The following CPB2 variants were observed in gnomAD, a reference collection of about 807,000 sequenced individuals.
CPB2 encodes carboxypeptidase B2.
Under a neutral mutation model 57.0 loss-of-function variants are expected in CPB2, and 54 were observed. The ratio of observed to expected loss-of-function variants is 0.95; its 90% CI spans 0.76 to 1.19. The LOEUF (loss-of-function observed/expected upper bound fraction) is 1.19, where lower values mean the gene tolerates loss of function less well. Among genes scored for constraint, CPB2 ranks in the 50% most tolerant of loss-of-function variants. The pLI, the probability that CPB2 is intolerant of heterozygous loss-of-function variation, is 0.00. For missense variants in CPB2, 426 were observed against 512.0 expected (o/e 0.83, Z 1.62); for synonymous variants, 189 against 178.1 (o/e 1.06, Z -0.49).
intron 1 of CPB2, chr13:46,098,590 A>G (rs1477226587): frequency 1.3e-5 from 2 of 152,306 alleles, no homozygotes; most frequent in East Asian, 3.8e-4. Flanking sequence ...GGCAGCTGAT[A>G]TTCTCACCTG....
chr13:46,102,598 T>TG lies in CPB2; in HGVS notation c.74+2337_74+2338insC, dbSNP rs373037398. Among the ~76,000 whole-genome samples, 640 of 68,808 alleles carry TG rather than the reference T, an allele frequency of 9.3e-3. 3 individuals carry two copies. The highest frequency in any genetic ancestry group is 0.03 in the African/African-American group (608 of 20,034). 45.1% of individuals were successfully genotyped at this position (68,808 alleles called of 152,430 possible). On this transcript the variant is annotated intron_variant, in intron 1 of 10. Coordinates refer to ENST00000181383, the MANE Select transcript of CPB2 (RefSeq NM_001872.5). ...AGAAAAAGCCAGACTGTTAGTTTTT[T>TG]TTTTTTTTTTTAGAAGGGTTGATAT...
In CPB2 at chr13:46,053,627, A is replaced by T. The variant is rs145067962; in HGVS notation, c.1259T>A (p.Ile420Asn). Residue 420 changes from isoleucine to asparagine, a missense_variant, in exon 11 of 11, where the codon ATT becomes AAT. By Grantham distance (149) the Ile-to-Asn change is moderately radical. Coordinates refer to ENST00000181383, the MANE Select transcript of CPB2 (RefSeq NM_001872.5). ...AAVSKIAWHV[I>N]RNV Reference sequence around the variant, plus strand: ...AAATCAGGGGCATTAAACATTCCTAATGACATGCCAAGCTATTTTAGAGAC... The same window carrying T: ...AAATCAGGGGCATTAAACATTCCTATTGACATGCCAAGCTATTTTAGAGAC... 2,857 of 1,614,006 alleles carry T rather than the reference A, an allele frequency of 1.8e-3. 28 individuals carry two copies. The highest frequency in any genetic ancestry group is 0.016 in the East Asian group (696 of 44,874).
intron 1 of CPB2, among the ~76,000 whole-genome samples, chr13:46,094,675 A>G (rs1231867808): frequency 6.6e-6 from 1 of 152,146 alleles, no homozygotes; most frequent in Non-Finnish European, 1.5e-5. Flanking sequence ...GAGGACCATG[A>G]CCCTTAGAAA....
At chr13:46,098,834 C>A (rs1283442285) in intron 1 of CPB2, 2 of 152,274 alleles carry the variant, frequency 1.3e-5, no homozygotes, top group Non-Finnish European at 2.9e-5. Flanking sequence ...CTGCCCAAGC[C>A]TTCTTCCTTC....
chr13:46,092,037 C>CT lies in CPB2; in HGVS notation c.75-4218dup, dbSNP rs1027115535. Among the ~76,000 whole-genome samples, 14 of 152,024 alleles carry CT rather than the reference C, an allele frequency of 9.2e-5. No homozygotes were observed. The East Asian group carries it at 9.7e-4, about 11-fold the overall frequency. ...GGCATTTGCCAGCTCTGAGCCCCCCCTTTTTTTTAACTGAACGAGATTTTT... is the reference window on the plus strand; with the variant it reads ...GGCATTTGCCAGCTCTGAGCCCCCCCTTTTTTTTTAACTGAACGAGATTTTT... On this transcript the variant is annotated intron_variant, in intron 1 of 10. Coordinates refer to ENST00000181383, the MANE Select transcript of CPB2 (RefSeq NM_001872.5).
chr13:46,087,931 T>A (rs1426834222), intron 1 of CPB2, 111 bp from the exon 2 acceptor site: 1 of 667,752 alleles, frequency 1.5e-6, no homozygotes, highest in East Asian at 2.6e-5. Context: ...AAATTTAAAA[T>A]GTTATTAGGA....
Position 46,053,496 on chromosome 13 carries a change from A to G in CPB2, c.*118T>C. The G allele has an allele frequency of 6.8e-7, 1 of 1,461,752 alleles. No individual in the cohort carries two copies. The highest frequency in any genetic ancestry group is 9.1e-7 in the Non-Finnish European group (1 of 1,093,150). 90.5% of individuals were successfully genotyped at this position (1,461,752 alleles called of 1,614,324 possible). ...TTAGGTTCTCTGACAGAACCAAGGA[A>G]TAGGAAAATCTTTTATCAAAACTAC... On this transcript the variant is annotated 3_prime_UTR_variant, in exon 11 of 11. Coordinates refer to ENST00000181383, the MANE Select transcript of CPB2 (RefSeq NM_001872.5).
intron 4 of CPB2, among the ~76,000 whole-genome samples, chr13:46,080,322 C>T (rs1371101882): frequency 1.3e-5 from 2 of 152,150 alleles, no homozygotes; most frequent in African/African-American, 4.8e-5. Context: ...ATCAAGAGAC[C>T]ACCGATCAAA....
intron 5 of CPB2, 106 bp downstream of exon 5, chr13:46,078,694 A>G: frequency 1.3e-6 from 1 of 772,318 alleles, no homozygotes; most frequent in Non-Finnish European, 2.2e-6. Flanking sequence ...TGTAATGCAA[A>G]TATTTTCAGA....
intron 4 of CPB2, among the ~76,000 whole-genome samples, chr13:46,080,146 A>T (rs1219899443): frequency 6.6e-6 from 1 of 152,242 alleles, no homozygotes; most frequent in African/African-American, 2.4e-5. Context: ...CTGGGGTAAT[A>T]ATGTAACATC....
At chr13:46,074,014 A>C (rs1381900986) in intron 5 of CPB2, 37 bp from the exon 6 acceptor site, 8 of 1,242,222 alleles carry the variant, frequency 6.4e-6, no homozygotes, top group Non-Finnish European at 9.4e-6. Flanking sequence ...AAAAACAGTA[A>C]CAATAAGCTT....
In CPB2 at chr13:46,055,799, AT is replaced by A; in HGVS notation, c.1049del (p.Asn350IlefsTer15). On this transcript the variant is annotated frameshift_variant, in exon 10 of 11. Coordinates refer to ENST00000181383, the MANE Select transcript of CPB2 (RefSeq NM_001872.5). LOFTEE classifies it high-confidence loss of function. ...AVRAIEKISKNTRYTHGHGSE... is the reference protein window; with the variant it reads ...AVRAIEKISKXTRYTHGHGSE... The stretch of plus-strand genomic sequence containing the variant: ...AGCCATGGCCATGTGTATACCTGGT[AT>A]TTTTACTAATTTTCTCAATAGCACG... The A allele has an allele frequency of 6.2e-7, 1 of 1,602,898 alleles. No individual in the cohort carries two copies. Among genetic ancestry groups the A allele is most frequent in the Non-Finnish European group, 8.5e-7 (1 of 1,172,562 alleles).
chr13:46,092,614 G>A (rs905224676), intron 1 of CPB2, among the ~76,000 whole-genome samples: 1 of 152,116 alleles, frequency 6.6e-6, no homozygotes, highest in Non-Finnish European at 1.5e-5. Context: ...GGGATGTCTG[G>A]GTGTGTAAGA....
intron 5 of CPB2, among the ~76,000 whole-genome samples, chr13:46,076,490 C>CA (rs1789422259): frequency 6.6e-6 from 1 of 150,900 alleles, no homozygotes. Context: ...AGAGAACACA[C>CA]AAAAAAATGA....
intron 1 of CPB2, among the ~76,000 whole-genome samples, chr13:46,097,742 G>T (rs542207289): frequency 6.6e-6 from 1 of 152,326 alleles, no homozygotes; most frequent in African/African-American, 2.4e-5. Context: ...CTCATGTGGT[G>T]CTGTGTCCCT....
chr13:46,072,917 T>C (rs2044965049), intron 6 of CPB2, among the ~76,000 whole-genome samples: 1 of 152,310 alleles, frequency 6.6e-6, no homozygotes, highest in Non-Finnish European at 1.5e-5. Context: ...GTCTGATCAG[T>C]TGGAATCATC....
chr13:46,090,218 C>T (rs1012378077), intron 1 of CPB2, among the ~76,000 whole-genome samples: 11 of 151,406 alleles, frequency 7.3e-5, no homozygotes, highest in African/African-American at 2.7e-4. Flanking sequence ...TTTTAAAAAT[C>T]AGCTTGTTAT....
At chr13:46,085,320 T>C (rs2045186212) in intron 2 of CPB2, among the ~76,000 whole-genome samples, 1 of 152,240 alleles carries the variant, frequency 6.6e-6, no homozygotes, top group Admixed American at 6.5e-5. Context: ...AAATCTCAGA[T>C]GCTTCCTCTT....
rs1419289169 is a variant in CPB2 at position 46,087,751 on chromosome 13, T to C, written c.144A>G (p.Thr48=). The C allele has an allele frequency of 2.6e-5, 41 of 1,605,392 alleles. No homozygotes were observed. The highest frequency in any genetic ancestry group is 3.3e-5 in the Non-Finnish European group (39 of 1,173,762). ...TAAATTAGGGAGAAATTACCTCATA[T>C]GTTGTAGTAAGATTCTGTAGAACTT... ...QVQVLQNLTT[T]YEIVLWQPVT... is the part of the protein sequence containing the mutation. Residue 48 remains threonine, a synonymous_variant, in exon 2 of 11, where the codon ACA becomes ACG. Transcript: ENST00000181383.
Sources: allele counts gnomAD v4.1 joint callset (sites outside exome capture counted in the v4.1 genomes callset), GRCh38; gene constraint gnomAD v4.1.1; transcripts MANE v1.5; gene names NCBI Gene and HGNC (gene_info 2026-07-23, HGNC 2026-07-21).